The following USH2A variants were observed in gnomAD, a reference collection of about 807,000 sequenced individuals.
USH2A encodes the protein Usher syndrome 2A (autosomal recessive, mild).
Under a neutral mutation model 538.9 loss-of-function variants are expected in USH2A, and 443 were observed. That is an observed-to-expected ratio of 0.82 (90% CI 0.76 to 0.89). The LOEUF (loss-of-function observed/expected upper bound fraction) is 0.89. Among genes scored for constraint, USH2A ranks in the 40% least tolerant of loss-of-function variants. The probability of loss-of-function intolerance (pLI) is 0.00; values close to 1 mark genes in which losing one functional copy is unlikely to be tolerated. For synonymous variants in USH2A, 2,413 were observed against 2,273.5 expected (o/e 1.06, Z -1.75); for missense variants, 6,633 against 6,324.8 (o/e 1.05, Z -1.65).
intron 31 of USH2A, among the ~76,000 whole-genome samples, chr1:216,047,713 G>A (rs553393199): frequency 6.6e-6 from 1 of 152,266 alleles, no homozygotes; most frequent in African/African-American, 2.4e-5. Flanking sequence ...GAGAGAGAAA[G>A]ACTGGCTGAC....
intron 3 of USH2A, among the ~76,000 whole-genome samples, chr1:216,396,221 C>A (rs1476409890): frequency 1.3e-5 from 2 of 152,118 alleles, no homozygotes; most frequent in Non-Finnish European, 1.5e-5. Flanking sequence ...TTACTCATTG[C>A]AAATGGACAC....
chr1:215,689,215 T>C (rs1199796502), intron 61 of USH2A, among the ~76,000 whole-genome samples: 1 of 152,146 alleles, frequency 6.6e-6, no homozygotes, highest in East Asian at 1.9e-4. Flanking sequence ...GAAACTATAG[T>C]TTTGGGAAGA....
At chr1:215,985,862 T>A (rs1293408558) in intron 35 of USH2A, among the ~76,000 whole-genome samples, 2 of 152,130 alleles carry the variant, frequency 1.3e-5, no homozygotes, top group Admixed American at 6.6e-5. Context: ...AGCCAAATGT[T>A]TTTTTTAAAT....
Position 215,790,266 on chromosome 1 carries a change from C to T in USH2A, c.9975G>A (p.Gly3325=), listed in dbSNP as rs188093326. The change falls in exon 51 of 72, where the codon GGG becomes GGA. Residue 3325 remains glycine, a synonymous_variant. Transcript: ENST00000307340. ...TATCTGACATATTCACATAATCCTG[C>T]CCACAACAGAACATACCTGCAACAA... The part of the protein sequence containing the change: ...YNRLPGMFCC[G]QDYVNMSDTI... 175 of 1,613,862 alleles carry T rather than the reference C, an allele frequency of 1.1e-4. 1 individual carries two copies. In the East Asian group the frequency reaches 3.1e-3, roughly 28 times the overall value.
rs373190681 is a variant in USH2A at position 216,289,353 on chromosome 1, G to A, written c.1898C>T (p.Ser633Leu). 1.3e-4 allele frequency: 212 copies of A among 1,613,950 alleles called. 1 individual carries two copies. Among genetic ancestry groups the A allele is most frequent in the South Asian group, 8.9e-4 (81 of 91,074 alleles). ...YFFRQVGADP[S>L]AIDVCKPCDC... is the part of the protein sequence containing the mutation. ...ACAGGGTTTGCAAACATCTATGGCC[G>A]AAGGATCTGCACCAACTTGTCGGAA... is the stretch of plus-strand genomic sequence containing the variant. Residue 633 changes from serine (S) to leucine (L), a missense_variant, in exon 11 of 72, where the codon TCG becomes TTG. By Grantham distance (145) the Ser-to-Leu change is moderately radical (BLOSUM62 -2). Transcript: ENST00000307340.
At chr1:216,261,705 A>G (rs2036376412) in intron 11 of USH2A, among the ~76,000 whole-genome samples, 1 of 152,102 alleles carries the variant, frequency 6.6e-6, no homozygotes, top group South Asian at 2.1e-4. Context: ...AAACTGAGAA[A>G]CGACCCAACA....
intron 37 of USH2A, among the ~76,000 whole-genome samples, chr1:215,960,045 G>C (rs540159353): frequency 6.6e-6 from 1 of 152,208 alleles, no homozygotes; most frequent in Admixed American, 6.5e-5. Flanking sequence ...AAGAATCCAA[G>C]GGAAGTCTAG....
At chr1:215,700,127 T>C (rs759418550) in intron 61 of USH2A, among the ~76,000 whole-genome samples, 7 of 152,208 alleles carry the variant, frequency 4.6e-5, no homozygotes, top group Non-Finnish European at 7.3e-5. Context: ...TTAGGTATAT[T>C]GAACCAGCCT....
At chr1:216,259,407 G>C (rs2036322508) in intron 11 of USH2A, among the ~76,000 whole-genome samples, 1 of 151,998 alleles carries the variant, frequency 6.6e-6, no homozygotes, top group Admixed American at 6.6e-5. Context: ...TCTCGGTCTA[G>C]GTTACCACTA....
chr1:215,727,556 C>T (rs1474876165), intron 61 of USH2A, among the ~76,000 whole-genome samples: 1 of 151,994 alleles, frequency 6.6e-6, no homozygotes, highest in Non-Finnish European at 1.5e-5. Flanking sequence ...GTGAAAACCC[C>T]TCTCTATTAA....
At chr1:216,399,216 A>T (rs2039267125) in intron 3 of USH2A, among the ~76,000 whole-genome samples, 2 of 152,194 alleles carry the variant, frequency 1.3e-5, no homozygotes, top group Admixed American at 1.3e-4. Context: ...CACGAGAGTC[A>T]GGGCTCATCA....
intron 21 of USH2A, among the ~76,000 whole-genome samples, chr1:216,098,967 A>G (rs1015024073): frequency 7.2e-5 from 11 of 152,188 alleles, no homozygotes; most frequent in African/African-American, 2.2e-4. Flanking sequence ...GAAATAGGTG[A>G]GACCACATCT....
At chr1:215,753,544 G>C (rs1217848020) in intron 58 of USH2A, among the ~76,000 whole-genome samples, 2 of 152,028 alleles carry the variant, frequency 1.3e-5, no homozygotes, top group African/African-American at 4.8e-5. Context: ...CATCATTCTC[G>C]GCAAACTATC....
At chr1:215,868,988 T>C (rs901205730) in intron 43 of USH2A, among the ~76,000 whole-genome samples, 1 of 152,236 alleles carries the variant, frequency 6.6e-6, no homozygotes, top group Non-Finnish European at 1.5e-5. Flanking sequence ...ATTTTGTTAC[T>C]GCAGCCCTGG....
At position 215,965,489 on chromosome 1, in the gene USH2A, T is replaced by C. The variant is rs727504213; in HGVS notation, c.6958-10A>G. The C allele has an allele frequency of 3.7e-6, 6 of 1,613,092 alleles. No homozygotes were observed. The African/African-American group carries it at 8.0e-5, about 22-fold the overall frequency. On this transcript the variant is annotated splice_polypyrimidine_tract_variant and intron_variant, in intron 36 of 71. Coordinates refer to ENST00000307340, the MANE Select transcript of USH2A (RefSeq NM_206933.4). ...GAGTTCGATTTTCCACCTGTGAGTA[T>C]AAAAAGATTTATTTTTGTTTGCAAA...
At chr1:216,053,189 C>A (rs1035348100) in intron 30 of USH2A, among the ~76,000 whole-genome samples, 1 of 152,094 alleles carries the variant, frequency 6.6e-6, no homozygotes, top group Non-Finnish European at 1.5e-5. Flanking sequence ...AAGATTCAGA[C>A]TTACCAGTTC....
chr1:216,070,309 G>C lies in USH2A; in HGVS notation c.5858-17C>G. ...TTTGTGGAGCTGTGAAGGAATAAAA[G>C]AGAAAATAGGGAAAATGGCAGTTCT... On this transcript the variant is annotated splice_polypyrimidine_tract_variant and intron_variant, in intron 29 of 71. Transcript: ENST00000307340. 1.9e-6 allele frequency: 3 copies of C among 1,613,132 alleles called. No homozygotes were observed. The highest frequency in any genetic ancestry group is 2.5e-6 in the Non-Finnish European group (3 of 1,179,324).
chr1:215,670,353 C>T (rs1657774586), intron 64 of USH2A, among the ~76,000 whole-genome samples: 1 of 152,150 alleles, frequency 6.6e-6, no homozygotes, highest in Non-Finnish European at 1.5e-5. Context: ...GTTGTTATCA[C>T]AAGAAGAATG....
At chr1:216,258,598 C>T (rs1462542618) in intron 11 of USH2A, among the ~76,000 whole-genome samples, 1 of 152,010 alleles carries the variant, frequency 6.6e-6, no homozygotes, top group African/African-American at 2.4e-5. Context: ...CTCTGAGCTC[C>T]ATCTGGGATT....
Sources: gnomAD v4.1 joint callset for allele counts (sites outside exome capture counted in the v4.1 genomes callset) on GRCh38, gnomAD v4.1.1 for gene constraint, MANE v1.5 for transcripts, NCBI Gene and HGNC (gene_info 2026-07-23, HGNC 2026-07-21) for gene names.